Variants in PCSK2 observed in about 807,000 individuals in gnomAD.
PCSK2 encodes neuroendocrine convertase 2.
A neutral mutation model predicts 69.7 loss-of-function variants in PCSK2; 14 were observed. The ratio of observed to expected loss-of-function variants is 0.20; its 90% CI spans 0.13 to 0.31. The LOEUF (loss-of-function observed/expected upper bound fraction) is 0.31, where lower values mean the gene tolerates loss of function less well. PCSK2 is among the 10% of genes least tolerant of loss of function. The pLI is 1.00. For synonymous variants in PCSK2, 307 were observed against 320.7 expected (o/e 0.96, Z 0.46); for missense variants, 544 against 842.5 (o/e 0.65, Z 4.39).
chr20:17,394,355 T>G (rs998360680), intron 5 of PCSK2, among the ~76,000 whole-genome samples: 3 of 152,098 alleles, frequency 2.0e-5, no homozygotes, highest in Non-Finnish European at 2.9e-5. Flanking sequence ...CCAGTGCATA[T>G]CCTTGAACCA....
At chr20:17,301,290 C>A (rs1480318955) in intron 2 of PCSK2, among the ~76,000 whole-genome samples, 1 of 152,150 alleles carries the variant, frequency 6.6e-6, no homozygotes, top group Admixed American at 6.5e-5. Context: ...AGCAGCTCTG[C>A]TCTGACAACT....
intron 2 of PCSK2, among the ~76,000 whole-genome samples, chr20:17,348,973 C>G (rs183062105): frequency 2.3e-3 from 343 of 152,256 alleles, no homozygotes; most frequent in African/African-American, 7.8e-3. Context: ...ACCATAGGAC[C>G]GTTAACCAGC....
chr20:17,449,548 G>GTATGT (rs1371948893), intron 8 of PCSK2, among the ~76,000 whole-genome samples: 1 of 131,604 alleles, frequency 7.6e-6, no homozygotes, highest in Non-Finnish European at 1.6e-5. Context: ...ATGTATATTT[G>GTATGT]AGACTGAGTT....
intron 5 of PCSK2, among the ~76,000 whole-genome samples, chr20:17,409,057 G>A (rs1182402194): frequency 2.0e-5 from 3 of 152,184 alleles, no homozygotes; most frequent in African/African-American, 7.2e-5. Context: ...AGGATGAAAT[G>A]GGGAAGCCTG....
intron 2 of PCSK2, among the ~76,000 whole-genome samples, chr20:17,346,951 T>C (rs752506124): frequency 6.6e-6 from 1 of 152,144 alleles, no homozygotes; most frequent in African/African-American, 2.4e-5. Context: ...CCTAATTACA[T>C]TGATTTATCT....
intron 8 of PCSK2, among the ~76,000 whole-genome samples, chr20:17,437,172 C>A (rs1444658705): frequency 1.3e-5 from 2 of 152,220 alleles, no homozygotes; most frequent in Non-Finnish European, 2.9e-5. Flanking sequence ...AGTCCCCACG[C>A]CAAAGCTGCC....
At chr20:17,437,985 T>TCCCCCC (rs11481325) in intron 8 of PCSK2, among the ~76,000 whole-genome samples, 1 of 149,918 alleles carries the variant, frequency 6.7e-6, no homozygotes, top group African/African-American at 2.5e-5. Context: ...GGCCAGCAGT[T>TCCCCCC]CCCCCCCACC....
At chr20:17,333,724 C>T (rs968116347) in intron 2 of PCSK2, among the ~76,000 whole-genome samples, 26 of 151,898 alleles carry the variant, frequency 1.7e-4, no homozygotes, top group Non-Finnish European at 3.1e-4. Context: ...CAAATTCTGC[C>T]TCATCCACTT....
chr20:17,376,370 A>G (rs2123243416), intron 5 of PCSK2, among the ~76,000 whole-genome samples: 1 of 152,310 alleles, frequency 6.6e-6, no homozygotes, highest in Non-Finnish European at 1.5e-5. Flanking sequence ...TGCTGCTGAC[A>G]TATTATGGCC....
chr20:17,375,492 T>C lies in PCSK2; in HGVS notation c.543+6215T>C, dbSNP rs143509369. Among the ~76,000 whole-genome samples the C allele has an allele frequency of 1.9e-3, 288 of 152,330 alleles. 2 individuals carry two copies. The Middle Eastern group carries it at 0.024, about 13-fold the overall frequency. Reference sequence around the variant, plus strand: ...GAAGCGGCATTTCTGACCTGCATCTTCTTCCCTGTCACATACCTTAGAACT... The same window carrying C: ...GAAGCGGCATTTCTGACCTGCATCTCCTTCCCTGTCACATACCTTAGAACT... On this transcript the variant is annotated intron_variant, in intron 5 of 11. Transcript: ENST00000262545.
At chr20:17,268,371 A>G (rs1056394855) in intron 2 of PCSK2, among the ~76,000 whole-genome samples, 2 of 152,144 alleles carry the variant, frequency 1.3e-5, no homozygotes, top group African/African-American at 4.8e-5. Flanking sequence ...AGAGCAGAGT[A>G]TGGGAAGAGG....
intron 2 of PCSK2, among the ~76,000 whole-genome samples, chr20:17,333,872 G>A (rs1203700103): frequency 2.9e-5 from 4 of 136,552 alleles, no homozygotes; most frequent in Non-Finnish European, 4.6e-5. Flanking sequence ...TCTTCACTGT[G>A]CTATTATTTC....
intron 2 of PCSK2, among the ~76,000 whole-genome samples, chr20:17,263,787 T>G (rs571536434): frequency 1.3e-5 from 2 of 152,226 alleles, no homozygotes; most frequent in African/African-American, 4.8e-5. Flanking sequence ...CCTAATCATA[T>G]TCACAGTCGT....
intron 2 of PCSK2, among the ~76,000 whole-genome samples, chr20:17,299,985 G>A (rs572869392): frequency 1.8e-4 from 28 of 152,262 alleles, no homozygotes; most frequent in African/African-American, 3.4e-4. Context: ...GTTTTTCCTC[G>A]CAGAGACAGG....
intron 2 of PCSK2, among the ~76,000 whole-genome samples, chr20:17,316,350 T>C (rs1427907812): frequency 6.6e-6 from 1 of 152,262 alleles, no homozygotes; most frequent in Non-Finnish European, 1.5e-5. Flanking sequence ...TTTAAAATTA[T>C]ATGTCTGTGT....
At chr20:17,481,143 G>A (rs757183825) in intron 11 of PCSK2, among the ~76,000 whole-genome samples, 7 of 152,128 alleles carry the variant, frequency 4.6e-5, no homozygotes, top group Non-Finnish European at 7.4e-5. Flanking sequence ...CACTTTGGGA[G>A]GCCAAGGCAG....
chr20:17,432,316 A>G (rs542071092), intron 7 of PCSK2, among the ~76,000 whole-genome samples: 8 of 152,080 alleles, frequency 5.3e-5, no homozygotes, highest in Admixed American at 2.0e-4. Flanking sequence ...CTTCTCCTTC[A>G]TTTCTCTTCG....
chr20:17,402,298 T>C (rs1338158080), intron 5 of PCSK2, among the ~76,000 whole-genome samples: 1 of 152,196 alleles, frequency 6.6e-6, no homozygotes, highest in Non-Finnish European at 1.5e-5. Context: ...TCCTCATCTG[T>C]TTAGTGTTTA....
intron 2 of PCSK2, among the ~76,000 whole-genome samples, chr20:17,354,221 A>G (rs2030116140): frequency 6.6e-6 from 1 of 152,226 alleles, no homozygotes. Flanking sequence ...AAAGACTTCT[A>G]CTTTCTTATG....
Sources: allele counts gnomAD v4.1 joint callset (sites outside exome capture counted in the v4.1 genomes callset), GRCh38; gene constraint gnomAD v4.1.1; transcripts MANE v1.5; gene names NCBI Gene and HGNC (gene_info 2026-07-23, HGNC 2026-07-21).